Variants in MBNL2 observed in about 807,000 individuals in gnomAD.
MBNL2 encodes muscleblind-like protein 2.
A neutral mutation model predicts 41.9 loss-of-function variants in MBNL2; 17 were observed. The ratio of observed to expected loss-of-function variants is 0.41; its 90% CI spans 0.28 to 0.61. MBNL2 has a LOEUF of 0.61. MBNL2 is among the 20% of genes least tolerant of loss of function. The probability of loss-of-function intolerance (pLI) is 0.35; values close to 1 mark genes in which losing one functional copy is unlikely to be tolerated. For missense variants in MBNL2, 336 were observed against 505.6 expected (o/e 0.66, Z 3.22); for synonymous variants, 195 against 182.9 (o/e 1.07, Z -0.53).
chr13:97,168,030 A>G, the MBNL2 span, among the ~76,000 whole-genome samples: 1 of 152,176 alleles, frequency 6.6e-6, no homozygotes, highest in Non-Finnish European at 1.5e-5. Flanking sequence ...CAATGGCACA[A>G]TCTTCACTCA....
At chr13:97,384,610 CAG>C (rs1398346722) in intron 8 of MBNL2, among the ~76,000 whole-genome samples, 2 of 152,118 alleles carry the variant, frequency 1.3e-5, no homozygotes, top group Admixed American at 1.3e-4. Flanking sequence ...ACTTGTGAGA[CAG>C]AATCAGAAGA....
chr13:97,269,002 C>T (rs1380064502), intron 1 of MBNL2, among the ~76,000 whole-genome samples: 2 of 152,172 alleles, frequency 1.3e-5, no homozygotes, highest in Admixed American at 1.3e-4. Context: ...GGTGGCTCAG[C>T]TGAACCTTCC....
the MBNL2 span, among the ~76,000 whole-genome samples, chr13:97,194,567 G>A: frequency 2.6e-5 from 4 of 152,126 alleles, no homozygotes; most frequent in Admixed American, 6.6e-5. Context: ...GGGTGAGACC[G>A]ACTGGGCTGC....
chr13:97,319,273 A>G (rs537367781), intron 2 of MBNL2, among the ~76,000 whole-genome samples: 3 of 152,300 alleles, frequency 2.0e-5, no homozygotes, highest in African/African-American at 4.8e-5. Flanking sequence ...AGCTAGGGCC[A>G]TGAGTCAGCA....
intron 3 of MBNL2, among the ~76,000 whole-genome samples, chr13:97,341,594 C>T (rs1282250479): frequency 3.3e-5 from 5 of 152,124 alleles, no homozygotes; most frequent in Admixed American, 6.5e-5. Flanking sequence ...GTGGATTTTA[C>T]GTCTGAGCCA....
In MBNL2 at chr13:97,286,784, C is replaced by T. The variant is rs60427633; in HGVS notation, c.174+10375C>T. On this transcript the variant is annotated intron_variant, in intron 2 of 8. Coordinates refer to ENST00000679496, the MANE Select transcript of MBNL2 (RefSeq NM_001382683.1). ...TTCCAGGGAACTGCAAGCCTCAGTT[C>T]TTCATGTTAGTCTGGTCTTTGCTTA... Among the ~76,000 whole-genome samples, 1,098 of 152,274 alleles carry T rather than the reference C, an allele frequency of 7.2e-3. 13 individuals carry two copies. The highest frequency in any genetic ancestry group is 0.025 in the African/African-American group (1,027 of 41,536).
rs187113548 is a variant in MBNL2 at position 97,369,475 on chromosome 13, C to T, written c.1048+4304C>T. Among the ~76,000 whole-genome samples the T allele has an allele frequency of 3.6e-4, 55 of 152,252 alleles. No homozygotes were observed. In the East Asian group the frequency reaches 0.01, roughly 28 times the overall value. ...AAGTGAAACTAATGATTCCAGAGTTCGATGACCGATAAGCACCCTGCCTTC... is the reference window on the plus strand; with the variant it reads ...AAGTGAAACTAATGATTCCAGAGTTTGATGACCGATAAGCACCCTGCCTTC... On this transcript the variant is annotated intron_variant, in intron 8 of 8. Coordinates refer to ENST00000679496, the MANE Select transcript of MBNL2 (RefSeq NM_001382683.1).
intron 2 of MBNL2, among the ~76,000 whole-genome samples, chr13:97,287,924 T>TG (rs1332507023): frequency 9.7e-4 from 118 of 121,608 alleles, no homozygotes; most frequent in East Asian, 3.2e-3. Context: ...TTCTGTTTTT[T>TG]TTTTGTTTTG....
At chr13:97,291,692 C>T (rs1397167988) in intron 2 of MBNL2, among the ~76,000 whole-genome samples, 1 of 145,936 alleles carries the variant, frequency 6.9e-6, no homozygotes, top group African/African-American at 2.6e-5. Flanking sequence ...GTCAGGAGTT[C>T]GAGGCCAGCC....
chr13:97,227,050 A>AAC (rs1306192750), intron 1 of MBNL2, among the ~76,000 whole-genome samples: 5 of 105,288 alleles, frequency 4.7e-5, no homozygotes, highest in African/African-American at 1.9e-4. Flanking sequence ...CAAAAAAAAA[A>AAC]AACAAAAAAA....
chr13:97,304,250 A>G (rs1445217003), intron 2 of MBNL2, among the ~76,000 whole-genome samples: 1 of 152,244 alleles, frequency 6.6e-6, no homozygotes, highest in Non-Finnish European at 1.5e-5. Context: ...TTATTCAAGG[A>G]GAAAAGTCTT....
At chr13:97,367,727 A>G (rs914594044) in intron 8 of MBNL2, among the ~76,000 whole-genome samples, 1 of 152,068 alleles carries the variant, frequency 6.6e-6, no homozygotes, top group African/African-American at 2.4e-5. Context: ...GAGAGCAGAG[A>G]GTGGGGGAGG....
intron 2 of MBNL2, among the ~76,000 whole-genome samples, chr13:97,318,109 C>T (rs1012006594): frequency 6.6e-6 from 1 of 152,172 alleles, no homozygotes; most frequent in Non-Finnish European, 1.5e-5. Context: ...GACAAGTTAT[C>T]TAACCTCTCT....
chr13:97,277,839 T>G (rs2052478461), intron 2 of MBNL2, among the ~76,000 whole-genome samples: 1 of 152,208 alleles, frequency 6.6e-6, no homozygotes, highest in South Asian at 2.1e-4. Context: ...TAAATCACAA[T>G]TCATATAAAC....
In MBNL2 at chr13:97,232,847, C is replaced by T. The variant is rs1020219745; in HGVS notation, c.-605+10316C>T. ...TTGTCGGCCTTTTTCTTACTCTTGA[C>T]GCTATGTGTGTGTGTGTGTGTGTGT... On this transcript the variant is annotated intron_variant, in intron 1 of 8. Transcript: ENST00000679496. Among the ~76,000 whole-genome samples the T allele has an allele frequency of 2.2e-4, 25 of 113,206 alleles. No individual in the cohort carries two copies. In the East Asian group the frequency reaches 3.8e-3, roughly 17 times the overall value. The allele number at this position is 113,206 out of a possible 152,430, so 74.3% of individuals were successfully genotyped here.
the MBNL2 span, among the ~76,000 whole-genome samples, chr13:97,189,023 G>T: frequency 1.3e-5 from 2 of 151,444 alleles, no homozygotes; most frequent in African/African-American, 4.9e-5. Context: ...GGGAGACTTT[G>T]TCACTCCAGG....
chr13:97,257,682 G>T (rs1048724472), intron 1 of MBNL2, among the ~76,000 whole-genome samples: 6 of 152,178 alleles, frequency 3.9e-5, no homozygotes, highest in African/African-American at 1.4e-4. Context: ...AGTCACCCTG[G>T]GTTCTTGTTG....
At chr13:97,348,074 A>ATTTTTTTTTTTTTTTTTTTT in intron 5 of MBNL2, among the ~76,000 whole-genome samples, 1 of 120,318 alleles carries the variant, frequency 8.3e-6, no homozygotes, top group Non-Finnish European at 1.7e-5. Flanking sequence ...GGGCAGTGGG[A>ATTTTTTTTTTTTTTTTTTTT]TTTTTTTTTT....
Position 97,365,183 on chromosome 13 carries a change from C to T in MBNL2, c.1048+12C>T. The T allele has an allele frequency of 6.3e-7, 1 of 1,583,446 alleles. No individual in the cohort carries two copies. Among genetic ancestry groups the T allele is most frequent in the Non-Finnish European group, 8.7e-7 (1 of 1,152,164 alleles). ...CGCTACCAGTATTGGTAGGTTTCAA[C>T]CTTTTTTATTTGTCTTTTATATGAT... On this transcript the variant is annotated intron_variant, in intron 8 of 8. Coordinates refer to ENST00000679496, the MANE Select transcript of MBNL2 (RefSeq NM_001382683.1).
Sources: gnomAD v4.1 joint callset for allele counts (sites outside exome capture counted in the v4.1 genomes callset) on GRCh38, gnomAD v4.1.1 for gene constraint, MANE v1.5 for transcripts, NCBI Gene and HGNC (gene_info 2026-07-23, HGNC 2026-07-21) for gene names.